Variants in MROH2A observed in about 807,000 individuals in gnomAD.
MROH2A encodes the protein maestro heat like repeat family member 2A.
In MROH2A, 174 loss-of-function variants were observed where a neutral mutation model predicts 200.4. That is an observed-to-expected ratio of 0.87 (90% CI 0.77 to 0.98). The LOEUF is 0.98. MROH2A is among the 50% of genes least tolerant of loss of function. The pLI is 0.00. For missense variants in MROH2A, 2,045 were observed against 2,139.6 expected, an observed-to-expected ratio of 0.96 and a Z score of 0.87; for synonymous variants, 829 against 840.4, an observed-to-expected ratio of 0.99 and a Z score of 0.23.
intron 5 of MROH2A, among the ~76,000 whole-genome samples, chr2:233,792,593 G>A (rs560040697): frequency 1.4e-4 from 21 of 152,072 alleles, no homozygotes; most frequent in African/African-American, 3.4e-4. Context: ...GATTACAGGC[G>A]TGAGACACCG....
At chr2:233,787,630 TATATATATTATATATATC>T (rs1701313216) in intron 3 of MROH2A, among the ~76,000 whole-genome samples, 4 of 55,568 alleles carry the variant, frequency 7.2e-5, no homozygotes, top group African/African-American at 9.2e-5. Flanking sequence ...ACATATATAT[TATATATATTATATATATC>T]ATATATACAT....
intron 4 of MROH2A, 38 bp downstream of exon 4, chr2:233,789,666 A>G (rs963873729): frequency 6.9e-7 from 1 of 1,445,516 alleles, no homozygotes; most frequent in African/African-American, 1.4e-5. Flanking sequence ...TCCCTCTGCC[A>G]GCCCAGGAGC....
rs985880440 is a variant in MROH2A at position 233,823,598 on chromosome 2, C to T, written c.4047C>T (p.Ala1349=). 1.4e-5 allele frequency: 21 copies of T among 1,550,266 alleles called. No individual in the cohort carries two copies. The highest frequency in any genetic ancestry group is 3.6e-5 in the South Asian group (3 of 84,050). Residue 1349 remains alanine, a synonymous_variant, in exon 35 of 42, where the codon GCC becomes GCT. Transcript: ENST00000389758. The part of the protein sequence containing the change: ...QHVEGHRQRL[A]ELVLRGMDSE... ...TGGAGGGCCACAGGCAGAGGCTGGCCGAGCTGGTGCTCAGGGGCATGGACT... is the reference window on the plus strand; with the variant it reads ...TGGAGGGCCACAGGCAGAGGCTGGCTGAGCTGGTGCTCAGGGGCATGGACT...
intron 3 of MROH2A, among the ~76,000 whole-genome samples, chr2:233,780,727 G>T (rs933023513): frequency 1.3e-5 from 2 of 152,110 alleles, no homozygotes; most frequent in African/African-American, 4.8e-5. Flanking sequence ...TCATTTCTTT[G>T]TGTTGCAAGC....
Position 233,810,854 on chromosome 2 carries a change from A to G in MROH2A, c.2509A>G (p.Asn837Asp). The G allele has an allele frequency of 6.4e-7, 1 of 1,550,476 alleles. No individual in the cohort carries two copies. Residue 837 changes from asparagine (N) to aspartate (D), a missense_variant, in exon 23 of 42, where the codon AAC becomes GAC. Physicochemically the swap from Asn to Asp is conservative, Grantham distance 23 (BLOSUM62 1). Transcript: ENST00000389758. ...TGTGCAGGTTACCAAGGCCATCAACAACATCAAGGACCTGGAGGACTTTCA... is the reference window on the plus strand; with the variant it reads ...TGTGCAGGTTACCAAGGCCATCAACGACATCAAGGACCTGGAGGACTTTCA... ...SVVQVTKAIN[N>D]IKDLEDFHFA...
rs1375185695 is a variant in MROH2A, at chr2:233,810,903, C to A, written c.2558C>A (p.Thr853Asn). The A allele has an allele frequency of 9.7e-6, 15 of 1,550,198 alleles. No individual in the cohort carries two copies. Among genetic ancestry groups the A allele is most frequent in the Admixed American group, 3.9e-5 (2 of 51,002 alleles). The part of the protein sequence containing the change: ...DFHFAQKTTL[T>N]SIIVAVIKAE... ...CACTTTGCCCAGAAGACGACTCTTACCAGCATTATAGTGGTAAGCTGGGTG... is the reference window on the plus strand; with the variant it reads ...CACTTTGCCCAGAAGACGACTCTTAACAGCATTATAGTGGTAAGCTGGGTG... The change falls in exon 23 of 42, where the codon ACC becomes AAC. Residue 853 changes from threonine to asparagine, a missense_variant. By Grantham distance (65) the Thr-to-Asn change is moderately conservative (BLOSUM62 0). Coordinates refer to ENST00000389758, the MANE Select transcript of MROH2A (RefSeq NM_001394639.1).
At chr2:233,830,778 C>A (rs780640487) in intron 38 of MROH2A, among the ~76,000 whole-genome samples, 1 of 152,210 alleles carries the variant, frequency 6.6e-6, no homozygotes, top group Non-Finnish European at 1.5e-5. Context: ...GCCACACCAT[C>A]CCTGGCCACC....
chr2:233,791,748 G>A (rs1462524306), intron 5 of MROH2A, among the ~76,000 whole-genome samples: 7 of 152,144 alleles, frequency 4.6e-5, no homozygotes, highest in East Asian at 1.9e-4. Flanking sequence ...GCAGGCCCCC[G>A]TGATGCCCAT....
chr2:233,832,234 A>G lies in MROH2A; in HGVS notation c.4792A>G (p.Lys1598Glu). The stretch of plus-strand genomic sequence containing the variant: ...CTTGCTAGAAACAATGGCCTATGTT[A>G]AAAATAACTTGTCAAGAATCAGAAT... ...RFLLETMAYV[K>E]NNLSRIRIAA... is the part of the protein sequence containing the mutation. Residue 1598 changes from lysine to glutamate, a missense_variant, in exon 40 of 42, where the codon AAA becomes GAA. This residue lies in a region of MROH2A where 1,201 missense variants were observed against 1,311.3 expected (regional missense o/e 0.92). Coordinates refer to ENST00000389758, the MANE Select transcript of MROH2A (RefSeq NM_001394639.1). 6.4e-7 allele frequency: 1 copy of G among 1,550,788 alleles called. No homozygotes were observed. Among genetic ancestry groups the G allele is most frequent in the Non-Finnish European group, 8.7e-7 (1 of 1,147,078 alleles).
At position 233,779,656 on chromosome 2, in the gene MROH2A, C is replaced by T. The variant is rs575041544; in HGVS notation, c.95-15C>T. 51 of 1,550,036 alleles carry T rather than the reference C, an allele frequency of 3.3e-5. 1 individual carries two copies. The highest frequency in any genetic ancestry group is 1.2e-4 in the Admixed American group (6 of 50,964). ...TCATTTCCACACTGCACCTGGGTGGCGTTTGTTTTCATAGGTACCTTTCAA... is the reference window on the plus strand; with the variant it reads ...TCATTTCCACACTGCACCTGGGTGGTGTTTGTTTTCATAGGTACCTTTCAA... On this transcript the variant is annotated splice_polypyrimidine_tract_variant and intron_variant, in intron 2 of 41. Transcript: ENST00000389758.
At position 233,828,079 on chromosome 2, in the gene MROH2A, G is replaced by A. The variant is rs1056132975; in HGVS notation, c.4114-551G>A. On this transcript the variant is annotated intron_variant, in intron 35 of 41. Transcript: ENST00000389758. The surrounding 1 kb of genome is among the most constrained non-coding windows in gnomAD (Gnocchi z 4.6). Reference sequence around the variant, plus strand: ...CAACTGCGCCTAATGGGGGTTTAAGGAACTAGATGTGGGGATAGTCAATAG... The same window carrying A: ...CAACTGCGCCTAATGGGGGTTTAAGAAACTAGATGTGGGGATAGTCAATAG... 1.3e-5 allele frequency among the ~76,000 whole-genome samples: 2 copies of A among 152,146 alleles called. No homozygotes were observed. The highest frequency in any genetic ancestry group is 4.8e-5 in the African/African-American group (2 of 41,416).
At position 233,804,171 on chromosome 2, in the gene MROH2A, C is replaced by T. The variant is rs964294243; in HGVS notation, c.1870C>T (p.Leu624=). The change falls in exon 17 of 42, where the codon CTA becomes TTA. Residue 624 remains leucine (L), a synonymous_variant. Transcript: ENST00000389758. ...MADMWELEIA[L]LVRYLEEHTE... ...CGACATGTGGGAGCTGGAGATTGCG[C>T]TACTGGTCCGGTACCTGGAAGGTGA... 4.5e-6 allele frequency: 7 copies of T among 1,550,452 alleles called. No individual in the cohort carries two copies. In the African/African-American group the frequency reaches 9.6e-5, roughly 21 times the overall value.
chr2:233,800,054 T>C, intron 13 of MROH2A, 151 bp from the exon 14 acceptor site: 1 of 1,119,166 alleles, frequency 8.9e-7, no homozygotes, highest in Non-Finnish European at 1.3e-6. Flanking sequence ...CAGGTGACAA[T>C]GTGTGGGGTC....
chr2:233,798,714 G>A (rs878972692), intron 11 of MROH2A, 60 bp from the exon 12 acceptor site: 15 of 1,265,406 alleles, frequency 1.2e-5, no homozygotes, highest in Admixed American at 9.9e-5. Flanking sequence ...GATGTGGGAC[G>A]AGCCACCTGA....
chr2:233,799,987 C>A, intron 13 of MROH2A, 88 bp downstream of exon 13: 3 of 1,496,022 alleles, frequency 2.0e-6, no homozygotes, highest in Non-Finnish European at 1.8e-6. Context: ...CTCAGCGTAC[C>A]TGTGTTCAAA....
chr2:233,832,202 A>C lies in MROH2A; in HGVS notation c.4760A>C (p.Tyr1587Ser), dbSNP rs1278542897. 1 of 1,550,576 alleles carries C rather than the reference A, an allele frequency of 6.4e-7. No homozygotes were observed. The highest frequency in any genetic ancestry group is 1.2e-5 in the South Asian group (1 of 84,060). Reference protein sequence around the residue: ...ILTRKKPAVLYRFLLETMAYV... With the variant: ...ILTRKKPAVLSRFLLETMAYV... ...ACTCGGAAAAAGCCGGCTGTTCTCT[A>C]CCGCTTCTTGCTAGAAACAATGGCC... The change falls in exon 40 of 42, where the codon TAC (tyrosine) becomes TCC (serine). Residue 1587 changes from tyrosine (Y) to serine (S), a missense_variant. Transcript: ENST00000389758.
chr2:233,824,613 G>T (rs1284405474), intron 35 of MROH2A, among the ~76,000 whole-genome samples: 2 of 152,238 alleles, frequency 1.3e-5, no homozygotes, highest in Non-Finnish European at 2.9e-5. Context: ...CCGCTCAGTT[G>T]CTGATTGGCT....
Position 233,789,570 on chromosome 2 carries a change from A to G in MROH2A, c.350A>G (p.Glu117Gly). 6.7e-7 allele frequency: 1 copy of G among 1,499,452 alleles called. No individual in the cohort carries two copies. Among genetic ancestry groups the G allele is most frequent in the Non-Finnish European group, 8.9e-7 (1 of 1,122,894 alleles). The allele number at this position is 1,499,452 out of a possible 1,614,324, so 92.9% of individuals were successfully genotyped here. A position where few individuals can be genotyped will look rare whatever the true frequency, so the allele number is the denominator to read the frequency against. The change falls in exon 4 of 42, where the codon GAG becomes GGG. Residue 117 changes from glutamate (E) to glycine (G), a missense_variant. By Grantham distance (98) the Glu-to-Gly change is moderately conservative. Around this residue, in one of 3 missense-constraint regions of MROH2A, gnomAD observed 831 missense variants for 800.0 expected, o/e 1.04. Coordinates refer to ENST00000389758, the MANE Select transcript of MROH2A (RefSeq NM_001394639.1). Reference protein sequence around the residue: ...DIIQQEGELEEQCVQRLVAIA... With the variant: ...DIIQQEGELEGQCVQRLVAIA... ...ATCCAGCAGGAGGGGGAGCTGGAGG[A>G]GCAGTGCGTGCAGAGGCTGGTGGCC...
At position 233,800,308 on chromosome 2, in the gene MROH2A, T is replaced by C. The variant is rs900447726; in HGVS notation, c.1553T>C (p.Met518Thr). The C allele has an allele frequency of 1.0e-5, 16 of 1,545,100 alleles. No individual in the cohort carries two copies. The African/African-American group carries it at 1.1e-4, about 11-fold the overall frequency. Residue 518 changes from methionine to threonine, a missense_variant, in exon 14 of 42, where the codon ATG (methionine) becomes ACG (threonine). Met to Thr is a moderately conservative substitution (Grantham distance 81). This residue lies in a region of MROH2A where 831 missense variants were observed against 800.0 expected (regional missense o/e 1.04). Transcript: ENST00000389758. ...VKIITSSVSG[M>T]TTEFWVRLLC... ...ATCATTACCTCTTCTGTCAGTGGGATGACCACCGTGAGTGGGCCCTGCCCC... is the reference window on the plus strand; with the variant it reads ...ATCATTACCTCTTCTGTCAGTGGGACGACCACCGTGAGTGGGCCCTGCCCC...
Sources: allele counts gnomAD v4.1 joint callset (sites outside exome capture counted in the v4.1 genomes callset), GRCh38; gene constraint gnomAD v4.1.1; regional missense constraint gnomAD v4.1.1; non-coding constraint Gnocchi (gnomAD v3.1); transcripts MANE v1.5; gene names NCBI Gene and HGNC (gene_info 2026-07-23, HGNC 2026-07-21).